The following RABL6 variants were observed in gnomAD, a reference collection of about 807,000 sequenced individuals.
The protein encoded by RABL6 is rab-like protein 6.
Under a neutral mutation model 72.9 loss-of-function variants are expected in RABL6, and 28 were observed. The observed-to-expected ratio is 0.38, with a 90% CI of 0.28 to 0.53. The LOEUF is 0.53. Ranked by LOEUF, RABL6 falls within the 20% of genes least tolerant of loss-of-function variation. The probability of loss-of-function intolerance (pLI) is 0.80; values close to 1 mark genes in which losing one functional copy is unlikely to be tolerated. For missense variants in RABL6, 1,029 were observed against 1,008.4 expected, an observed-to-expected ratio of 1.02 and a Z score of -0.28; for synonymous variants, 477 against 421.2, an observed-to-expected ratio of 1.13 and a Z score of -1.62.
chr9:136,839,850 G>A lies in RABL6; in HGVS notation c.1915G>A (p.Glu639Lys). ...GGGGCTGGAGGAGGCCGGACCCAAGGAGAGCAGTGAGGAAGGTGGGTGGGG... is the reference window on the plus strand; with the variant it reads ...GGGGCTGGAGGAGGCCGGACCCAAGAAGAGCAGTGAGGAAGGTGGGTGGGG... ...GLGLEEAGPK[E>K]SSEEGKEGKT... The change falls in exon 13 of 15, where the codon GAG (glutamate) becomes AAG (lysine). Residue 639 changes from glutamate (E) to lysine (K), a missense_variant. Physicochemically the swap from Glu to Lys is moderately conservative, Grantham distance 56. This residue lies in a region of RABL6 where 595 missense variants were observed against 472.4 expected (regional missense o/e 1.26). Transcript: ENST00000311502. The A allele has an allele frequency of 6.2e-7, 1 of 1,612,268 alleles. No homozygotes were observed. The highest frequency in any genetic ancestry group is 8.5e-7 in the Non-Finnish European group (1 of 1,179,652).
intron 4 of RABL6, among the ~76,000 whole-genome samples, chr9:136,829,037 C>G (rs771130326): frequency 6.6e-6 from 1 of 152,212 alleles, no homozygotes; most frequent in Non-Finnish European, 1.5e-5. Flanking sequence ...TTTGTGGGCA[C>G]TGGAACCTTC....
chr9:136,822,100 C>T (rs1199150453), intron 1 of RABL6: 3 of 1,286,110 alleles, frequency 2.3e-6, no homozygotes, highest in Non-Finnish European at 3.0e-6. Flanking sequence ...GAGAGAGGAG[C>T]CGGGTGGGGC....
At chr9:136,832,128 C>T (rs1256043884) in intron 6 of RABL6, 137 bp from the exon 7 acceptor site, 1 of 936,514 alleles carries the variant, frequency 1.1e-6, no homozygotes, top group African/African-American at 1.7e-5. Context: ...CTTAGCAGGG[C>T]TCAGCAGGGT....
chr9:136,832,198 C>A, intron 6 of RABL6, 67 bp from the exon 7 acceptor site: 2 of 1,449,884 alleles, frequency 1.4e-6, no homozygotes, highest in Non-Finnish European at 1.9e-6. Context: ...AGCTGTGGGC[C>A]CAGGGGTGAT....
chr9:136,833,875 C>T, intron 7 of RABL6: 1 of 1,550,530 alleles, frequency 6.4e-7, no homozygotes, highest in Non-Finnish European at 8.7e-7. Flanking sequence ...TGGGGAGGCC[C>T]CTCCTTCCTG....
At chr9:136,832,038 A>C (rs1308460294) in intron 6 of RABL6, 177 bp downstream of exon 6, 1 of 1,067,832 alleles carries the variant, frequency 9.4e-7, no homozygotes, top group Non-Finnish European at 1.3e-6. Context: ...AGGGCCGGGA[A>C]CTGTGTGCTG....
In RABL6 at chr9:136,831,737, C is replaced by T. The variant is rs766366411; in HGVS notation, c.475C>T (p.Leu159Phe). Residue 159 changes from leucine to phenylalanine, a missense_variant, in exon 6 of 15, where the codon CTC becomes TTC. By Grantham distance (22) the Leu-to-Phe change is conservative. This residue lies in a region of RABL6 where 434 missense variants were observed against 536.1 expected (regional missense o/e 0.81). Transcript: ENST00000311502. The part of the protein sequence containing the change: ...ITKQWTFNYI[L>F]RELPKVPTHV... The stretch of plus-strand genomic sequence containing the variant: ...TTCTCCGAGGACCTTCAATTACATT[C>T]TCCGGGAGCTTCCAAAAGTGCCCAC... 4 of 1,613,374 alleles carry T rather than the reference C, an allele frequency of 2.5e-6. No individual in the cohort carries two copies. The highest frequency in any genetic ancestry group is 3.4e-6 in the Non-Finnish European group (4 of 1,179,842).
chr9:136,807,994 G>A lies in RABL6; in HGVS notation c.-203G>A. Reference sequence around the variant, plus strand: ...GAGAGCGGTCGCGCCGGAGGCCGCGGGGGCCGGAGCGGAGCAGCCGCGGCT... The same window carrying A: ...GAGAGCGGTCGCGCCGGAGGCCGCGAGGGCCGGAGCGGAGCAGCCGCGGCT... On this transcript the variant is annotated 5_prime_UTR_variant, in exon 1 of 15. Transcript: ENST00000311502. 1 of 1,014,028 alleles carries A rather than the reference G, an allele frequency of 9.9e-7. No individual in the cohort carries two copies. Among genetic ancestry groups the A allele is most frequent in the Non-Finnish European group, 1.2e-6 (1 of 850,206 alleles). 62.8% of individuals were successfully genotyped at this position (1,014,028 alleles called of 1,614,324 possible). A position where few individuals can be genotyped will look rare whatever the true frequency, so the allele number is the denominator to read the frequency against.
chr9:136,812,521 T>G (rs560852484), intron 1 of RABL6, among the ~76,000 whole-genome samples: 1 of 151,942 alleles, frequency 6.6e-6, no homozygotes, highest in South Asian at 2.1e-4. Flanking sequence ...ATCACACCAC[T>G]GCGCTCCAGC....
rs1451793179 is a variant in RABL6, at chr9:136,839,881, A to G, written c.1930+16A>G. On this transcript the variant is annotated intron_variant, in intron 13 of 14. Transcript: ENST00000311502. The stretch of plus-strand genomic sequence containing the variant: ...AGTGAGGAAGGTGGGTGGGGGCACC[A>G]GAGTGCGGTCAGCCTGCTGGAGTTT... 6 of 1,608,030 alleles carry G rather than the reference A, an allele frequency of 3.7e-6. No homozygotes were observed. The highest frequency in any genetic ancestry group is 5.1e-6 in the Non-Finnish European group (6 of 1,177,846).
At chr9:136,835,324 GGT>G (rs1217492539) in intron 7 of RABL6, 1 of 157,042 alleles carries the variant, frequency 6.4e-6, no homozygotes, top group East Asian at 1.9e-4. Flanking sequence ...GCTGCTTGTG[GGT>G]GTGGGACGGT....
At chr9:136,808,697 C>T (rs1045448927) in intron 1 of RABL6, 1 of 153,534 alleles carries the variant, frequency 6.5e-6, no homozygotes, top group Non-Finnish European at 1.5e-5. Context: ...CCCCGACGCT[C>T]CACGGTGCCC....
At position 136,818,378 on chromosome 9, in the gene RABL6, A is replaced by C. The variant is rs1350690098; in HGVS notation, c.131-5147A>C. ...ACTCTGTCTCAAAAAAAAAAAAAAA[A>C]AAAAAAAAAAAAAAAAAAAAAAAAA... On this transcript the variant is annotated intron_variant, in intron 1 of 14. Transcript: ENST00000311502. 9.2e-3 allele frequency among the ~76,000 whole-genome samples: 653 copies of C among 71,156 alleles called. 27 individuals carry two copies. The highest frequency in any genetic ancestry group is 0.031 in the East Asian group (88 of 2,816). 46.7% of individuals were successfully genotyped at this position (71,156 alleles called of 152,430 possible).
At position 136,839,379 on chromosome 9, in the gene RABL6, T is replaced by G. The variant is rs376068390; in HGVS notation, c.1651T>G (p.Ser551Ala). 3 of 1,612,576 alleles carry G rather than the reference T, an allele frequency of 1.9e-6. No individual in the cohort carries two copies. The highest frequency in any genetic ancestry group is 2.5e-6 in the Non-Finnish European group (3 of 1,179,762). The change falls in exon 12 of 15, where the codon TCC (serine) becomes GCC (alanine). Residue 551 changes from serine (S) to alanine (A), a missense_variant. Around this residue, in one of 2 missense-constraint regions of RABL6, gnomAD observed 595 missense variants for 472.4 expected, o/e 1.26. Transcript: ENST00000311502. The stretch of plus-strand genomic sequence containing the variant: ...GGAGCCGGGGAAGGGTGAGCAGGCC[T>G]CCTCGTCGGAGAGTGACCCCGAGGG... ...EMEPGKGEQA[S>A]SSESDPEGPI...
chr9:136,822,111 A>T, intron 1 of RABL6: 1 of 1,283,578 alleles, frequency 7.8e-7, no homozygotes, highest in Non-Finnish European at 1.0e-6. Context: ...CGGGTGGGGC[A>T]CAGGGACAGC....
At chr9:136,810,874 G>C (rs1847996966) in intron 1 of RABL6, among the ~76,000 whole-genome samples, 1 of 152,160 alleles carries the variant, frequency 6.6e-6, no homozygotes, top group Non-Finnish European at 1.5e-5. Context: ...ATTTTACAGA[G>C]CGTAACAGAC....
At chr9:136,815,462 T>C in intron 1 of RABL6, 2 of 273,180 alleles carry the variant, frequency 7.3e-6, no homozygotes, top group Non-Finnish European at 1.4e-5. Context: ...CTTCACTTCC[T>C]CCTTCTGCCT....
At position 136,835,556 on chromosome 9, in the gene RABL6, T is replaced by C. The variant is rs191054271; in HGVS notation, c.706-186T>C. On this transcript the variant is annotated intron_variant, in intron 7 of 14. Transcript: ENST00000311502. ...TGTCGTGCCGGCCACCGCAGAGGAA[T>C]CCTCTGGGCTTCTGTGGTTCAAGTG... The C allele has an allele frequency of 1.5e-3, 862 of 561,672 alleles. 13 individuals carry two copies. The Admixed American group carries it at 0.021, about 14-fold the overall frequency. 34.8% of individuals were successfully genotyped at this position (561,672 alleles called of 1,614,324 possible).
intron 1 of RABL6, among the ~76,000 whole-genome samples, chr9:136,820,636 G>T (rs576468357): frequency 2.6e-5 from 4 of 152,152 alleles, no homozygotes; most frequent in Admixed American, 6.5e-5. Flanking sequence ...CTCCCAAAGT[G>T]CTGGGATTAG....
Sources: gnomAD v4.1 joint callset for allele counts (sites outside exome capture counted in the v4.1 genomes callset) on GRCh38, gnomAD v4.1.1 for gene constraint, gnomAD v4.1.1 regional missense constraint, MANE v1.5 for transcripts, NCBI Gene and HGNC (gene_info 2026-07-23, HGNC 2026-07-21) for gene names.